PCGF3: variants seen among roughly 807,000 people sequenced by gnomAD.
PCGF3 encodes polycomb group ring finger 3, also known as polycomb group RING finger protein 3.
Under a neutral mutation model 33.1 loss-of-function variants are expected in PCGF3, and 7 were observed. The ratio of observed to expected loss-of-function variants is 0.21; its 90% confidence interval spans 0.12 to 0.40. PCGF3 has a LOEUF of 0.40. Among genes scored for constraint, PCGF3 ranks in the 10% least tolerant of loss-of-function variants. The pLI, the probability that PCGF3 is intolerant of heterozygous loss-of-function variation, is 1.00. For missense variants in PCGF3, 211 were observed against 313.3 expected (o/e 0.67, Z 2.46); for synonymous variants, 153 against 121.3 (o/e 1.26, Z -1.72).
chr4:763,212 T>C (rs1745165559), intron 9 of PCGF3, among the ~76,000 whole-genome samples: 2 of 152,138 alleles, frequency 1.3e-5, no homozygotes, highest in South Asian at 4.1e-4. Context: ...CTTTTCTGTG[T>C]AGCGAAACAG....
At chr4:748,767 C>T (rs1577429053) in intron 8 of PCGF3, among the ~76,000 whole-genome samples, 1 of 152,178 alleles carries the variant, frequency 6.6e-6, no homozygotes, top group South Asian at 2.1e-4. Context: ...CCTGGAACCA[C>T]GCTGTTTTTC....
chr4:734,703 C>A, intron 4 of PCGF3: 4 of 1,344,790 alleles, frequency 3.0e-6, no homozygotes, highest in Non-Finnish European at 3.8e-6. Context: ...AATTCCTAAC[C>A]CTGCCTCTTT....
rs542899332 is a variant in PCGF3 at position 765,663 on chromosome 4, G to A, written c.682-369G>A. Among the ~76,000 whole-genome samples, 19 of 152,284 alleles carry A rather than the reference G, an allele frequency of 1.2e-4. No homozygotes were observed. The South Asian group carries it at 2.7e-3, about 22-fold the overall frequency. ...CCAATGGTGGAACTCTCCCACCTCAGCTGGTGTTGCTGCCTGGGGAGAGGG... is the reference window on the plus strand; with the variant it reads ...CCAATGGTGGAACTCTCCCACCTCAACTGGTGTTGCTGCCTGGGGAGAGGG... On this transcript the variant is annotated intron_variant, in intron 10 of 10. Coordinates refer to ENST00000362003, the Ensembl canonical transcript of PCGF3.
At chr4:761,871 A>G in intron 9 of PCGF3, 2 of 985,434 alleles carry the variant, frequency 2.0e-6, no homozygotes, top group Non-Finnish European at 2.4e-6. Context: ...CCCCCAAGGC[A>G]GTGACACCAT....
chr4:756,455 C>CA (rs1744774199), intron 8 of PCGF3, among the ~76,000 whole-genome samples: 1 of 151,980 alleles, frequency 6.6e-6, no homozygotes, highest in Admixed American at 6.6e-5. Context: ...TCAAATGATC[C>CA]ACCCGCCTCA....
chr4:742,670 C>A (rs942336532), intron 6 of PCGF3, among the ~76,000 whole-genome samples: 1 of 152,198 alleles, frequency 6.6e-6, no homozygotes, highest in African/African-American at 2.4e-5. Context: ...TGCTGGCCAT[C>A]CCTGGAGGGT....
intron 8 of PCGF3, among the ~76,000 whole-genome samples, chr4:755,903 C>CTTTTTT (rs1560215661): frequency 8.3e-6 from 1 of 120,552 alleles, no homozygotes; most frequent in African/African-American, 3.2e-5. Flanking sequence ...TCAGAATTGT[C>CTTTTTT]CTTTTTTTTT....
At chr4:728,211 T>G (rs1156892202) in intron 1 of PCGF3, among the ~76,000 whole-genome samples, 4 of 152,194 alleles carry the variant, frequency 2.6e-5, no homozygotes, top group Non-Finnish European at 5.9e-5. Context: ...CAACACAGAT[T>G]GAAAATGTTT....
intron 9 of PCGF3, chr4:762,224 A>C (rs1352056508): frequency 2.2e-6 from 1 of 451,568 alleles, no homozygotes; most frequent in African/African-American, 2.1e-5. Context: ...GGATGAAATA[A>C]TTCTGGAATA....
At chr4:710,908 C>G (rs1324463925) in intron 1 of PCGF3, among the ~76,000 whole-genome samples, 1 of 152,238 alleles carries the variant, frequency 6.6e-6, no homozygotes, top group African/African-American at 2.4e-5. Flanking sequence ...TTTTCCTAAA[C>G]CATTTTAAAT....
rs1560192416 is a variant in PCGF3, at chr4:707,484, GCCGGGAC to G, written c.-190+1517_-190+1523del. Reference sequence around the variant, plus strand: ...GAGACAGCCCTGTTTTCCCCTGGGGGCCGGGACCCTGGGACAGCCTGTTTTCACCCGG... The same window carrying G: ...GAGACAGCCCTGTTTTCCCCTGGGGGCCTGGGACAGCCTGTTTTCACCCGG... On this transcript the variant is annotated intron_variant, in intron 1 of 10. Coordinates refer to ENST00000362003, the Ensembl canonical transcript of PCGF3. Among the ~76,000 whole-genome samples, 25 of 148,408 alleles carry G rather than the reference GCCGGGAC, an allele frequency of 1.7e-4. 1 individual carries two copies. Among genetic ancestry groups the G allele is most frequent in the African/African-American group, 5.3e-4 (21 of 39,892 alleles).
chr4:720,558 C>G lies in PCGF3; in HGVS notation c.-189-10072C>G, dbSNP rs1266287062. Among the ~76,000 whole-genome samples, 1 of 152,114 alleles carries G rather than the reference C, an allele frequency of 6.6e-6. No individual in the cohort carries two copies. The highest frequency in any genetic ancestry group is 1.5e-5 in the Non-Finnish European group (1 of 68,022). ...ACGGCAAGGCTGATGTGGACGCAGC[C>G]CCGACGTGAACAGGACCCCACGTGG... is the stretch of plus-strand genomic sequence containing the variant. On this transcript the variant is annotated intron_variant, in intron 1 of 10. Transcript: ENST00000362003. This position sits in a 1 kb window ranked among gnomAD's most constrained non-coding sequence, Gnocchi z 5.6.
chr4:716,063 C>T (rs1742819185), intron 1 of PCGF3, among the ~76,000 whole-genome samples: 1 of 141,612 alleles, frequency 7.1e-6, no homozygotes, highest in African/African-American at 2.6e-5. Context: ...ACCCTGTAGA[C>T]ACTGTGAGTG....
chr4:734,342 A>T, intron 4 of PCGF3: 1 of 1,435,840 alleles, frequency 7.0e-7, no homozygotes, highest in South Asian at 1.6e-5. Flanking sequence ...GGTGTGGACG[A>T]CCGCTGTGTG....
chr4:744,476 G>T (rs1744227280), intron 7 of PCGF3, 124 bp from the exon 8 acceptor site: 9 of 725,214 alleles, frequency 1.2e-5, no homozygotes, highest in Middle Eastern at 2.7e-4. Flanking sequence ...CGCTTACTCC[G>T]CTCCGGGGGT....
chr4:748,430 C>G (rs1350516035), intron 8 of PCGF3, among the ~76,000 whole-genome samples: 1 of 152,206 alleles, frequency 6.6e-6, no homozygotes, highest in Non-Finnish European at 1.5e-5. Context: ...GAACTTCTGG[C>G]CCGCCTCAGC....
At chr4:713,019 GGGGGCCTGT>G (rs1216560550) in intron 1 of PCGF3, among the ~76,000 whole-genome samples, 188 of 150,520 alleles carry the variant, frequency 1.2e-3, no homozygotes, top group African/African-American at 4.2e-3. Context: ...TGGCCTTGTT[GGGGGCCTGT>G]GGGGCCTGTG....
At chr4:753,685 C>T (rs766422477) in intron 8 of PCGF3, among the ~76,000 whole-genome samples, 28 of 150,844 alleles carry the variant, frequency 1.9e-4, no homozygotes, top group African/African-American at 4.6e-4. Context: ...CGGTGGCTCA[C>T]GCCTGTAATC....
intron 8 of PCGF3, among the ~76,000 whole-genome samples, chr4:747,662 C>CG (rs1744316604): frequency 7.9e-6 from 1 of 126,728 alleles, no homozygotes; most frequent in East Asian, 2.5e-4. Context: ...GGGCGGGGCC[C>CG]CGGGGTCGCT....
Sources: gnomAD v4.1 joint callset for allele counts (sites outside exome capture counted in the v4.1 genomes callset) on GRCh38, gnomAD v4.1.1 for gene constraint, Gnocchi (gnomAD v3.1) non-coding constraint, MANE v1.5 for transcripts, NCBI Gene and HGNC (gene_info 2026-07-23, HGNC 2026-07-21) for gene names.